The following DRD3 variants were observed in gnomAD, a reference collection of about 807,000 sequenced individuals.
DRD3 encodes dopamine receptor D3.
In DRD3, 19 loss-of-function variants were observed where a neutral mutation model predicts 36.3. The observed-to-expected ratio is 0.52, with a 90% CI of 0.36 to 0.77. DRD3 has a LOEUF of 0.77. Ranked by LOEUF, DRD3 falls within the 30% of genes least tolerant of loss-of-function variation. The pLI, the probability that DRD3 is intolerant of heterozygous loss-of-function variation, is 0.00. For missense variants in DRD3, 465 were observed against 505.3 expected, an observed-to-expected ratio of 0.92 and a Z score of 0.77; for synonymous variants, 195 against 203.7, an observed-to-expected ratio of 0.96 and a Z score of 0.36.
At chr3:114,133,615 T>C (rs373970334) in intron 5 of DRD3, among the ~76,000 whole-genome samples, 1 of 7,610 alleles carries the variant, frequency 1.3e-4, no homozygotes, top group Non-Finnish European at 5.5e-4. Context: ...GCTTCCTTTG[T>C]AAAACAGAAA....
chr3:114,141,135 G>A (rs762382514), intron 4 of DRD3, among the ~76,000 whole-genome samples: 121 of 152,304 alleles, frequency 7.9e-4, no homozygotes, highest in Non-Finnish European at 1.4e-3. Flanking sequence ...AGGTTCAAGC[G>A]ATTCTCCTGC....
chr3:114,170,693 A>T (rs2077831352), intron 2 of DRD3, among the ~76,000 whole-genome samples: 1 of 152,080 alleles, frequency 6.6e-6, no homozygotes, highest in South Asian at 2.1e-4. Flanking sequence ...CAGTCTATGT[A>T]CAAGGTTTTT....
intron 3 of DRD3, among the ~76,000 whole-genome samples, chr3:114,154,734 A>G (rs1239814867): frequency 6.6e-6 from 1 of 151,958 alleles, no homozygotes; most frequent in Non-Finnish European, 1.5e-5. Context: ...CCACTTAAAG[A>G]ACTCCCTGGT....
At chr3:114,129,672 G>A (rs1286803356) in intron 6 of DRD3, among the ~76,000 whole-genome samples, 1 of 152,228 alleles carries the variant, frequency 6.6e-6, no homozygotes, top group Non-Finnish European at 1.5e-5. Flanking sequence ...ACAGGAGAGA[G>A]TTGGGGTTTG....
At chr3:114,191,067 T>G (rs1405641777) in intron 1 of DRD3, among the ~76,000 whole-genome samples, 1 of 152,212 alleles carries the variant, frequency 6.6e-6, no homozygotes, top group African/African-American at 2.4e-5. Flanking sequence ...ATGAACCCCT[T>G]TGTTCATTTG....
At chr3:114,198,686 T>C (rs2078049634) in intron 1 of DRD3, among the ~76,000 whole-genome samples, 1 of 152,118 alleles carries the variant, frequency 6.6e-6, no homozygotes, top group South Asian at 2.1e-4. Context: ...TAGGTATCTA[T>C]AGATAAATAA....
chr3:114,187,980 GC>G (rs1488158716), intron 1 of DRD3, among the ~76,000 whole-genome samples: 1 of 152,022 alleles, frequency 6.6e-6, no homozygotes, highest in Admixed American at 6.6e-5. Context: ...TGCTCCTTGT[GC>G]CCTAGGAAGA....
chr3:114,185,626 T>TA (rs57767912), intron 1 of DRD3, among the ~76,000 whole-genome samples: 6,533 of 150,440 alleles, frequency 0.043, 461 homozygotes, highest in African/African-American at 0.15. Flanking sequence ...GTTGATTAAT[T>TA]AAAAAAAAAA....
chr3:114,139,127 T>A (rs2077500829), intron 5 of DRD3, among the ~76,000 whole-genome samples: 1 of 152,212 alleles, frequency 6.6e-6, no homozygotes, highest in South Asian at 2.1e-4. Context: ...ATGAGTGGTT[T>A]AGACAAAAAG....
At chr3:114,188,919 G>A (rs2077989525) in intron 1 of DRD3, among the ~76,000 whole-genome samples, 2 of 152,082 alleles carry the variant, frequency 1.3e-5, no homozygotes, top group African/African-American at 4.8e-5. Context: ...GTTGTCAAAG[G>A]GAATTACCTG....
intron 2 of DRD3, among the ~76,000 whole-genome samples, chr3:114,170,879 GT>G (rs922150348): frequency 8.6e-5 from 13 of 152,038 alleles, no homozygotes; most frequent in Non-Finnish European, 1.3e-4. Context: ...GTATACTCAG[GT>G]TTTTTTAAAA....
intron 4 of DRD3, among the ~76,000 whole-genome samples, chr3:114,146,566 G>A (rs1378679653): frequency 1.3e-5 from 2 of 151,956 alleles, no homozygotes; most frequent in African/African-American, 4.8e-5. Context: ...GGGCGTGGTG[G>A]TGGGTGCCTG....
chr3:114,141,603 A>T (rs1705951954), intron 4 of DRD3, among the ~76,000 whole-genome samples: 1 of 152,184 alleles, frequency 6.6e-6, no homozygotes, highest in African/African-American at 2.4e-5. Context: ...AAACGAAAAG[A>T]GTGTGCTCAG....
chr3:114,180,725 T>A (rs2107897389), upstream of DRD3, among the ~76,000 whole-genome samples: 1 of 152,332 alleles, frequency 6.6e-6, no homozygotes, highest in South Asian at 2.1e-4. Context: ...TGGGCATAAA[T>A]GTATTAGTTA....
At chr3:114,176,609 T>TA (rs1021371007) in intron 1 of DRD3, among the ~76,000 whole-genome samples, 32 of 150,554 alleles carry the variant, frequency 2.1e-4, no homozygotes, top group Admixed American at 5.3e-4. Flanking sequence ...TGTCTCAAAG[T>TA]AAAAAAAAAC....
At chr3:114,166,234 C>T (rs1373797929) in intron 2 of DRD3, among the ~76,000 whole-genome samples, 1 of 152,140 alleles carries the variant, frequency 6.6e-6, no homozygotes, top group African/African-American at 2.4e-5. Flanking sequence ...GGTCCACCCA[C>T]CTCGGCCTCC....
chr3:114,130,260 A>G (rs1030074029), intron 6 of DRD3, among the ~76,000 whole-genome samples: 4 of 152,040 alleles, frequency 2.6e-5, no homozygotes, highest in Non-Finnish European at 5.9e-5. Flanking sequence ...CCATGTCTCA[A>G]AAAAACAAAA....
At chr3:114,142,041 C>G (rs1577588369) in intron 4 of DRD3, among the ~76,000 whole-genome samples, 1 of 91,448 alleles carries the variant, frequency 1.1e-5, no homozygotes, top group African/African-American at 4.2e-5. Context: ...GAGCGAGACT[C>G]TCTCTCAAAA....
chr3:114,190,040 C>T lies in DRD3; in HGVS notation c.-156+9233G>A, dbSNP rs142207695. On this transcript the variant is annotated intron_variant, in intron 1 of 7. Coordinates refer to the DRD3 transcript ENST00000460779. ...TGTCACAGCAGATGGGGAAAAAAGC[C>T]GGAGTAACCTGTGGAATTGCTGATT... Among the ~76,000 whole-genome samples the T allele has an allele frequency of 1.6e-4, 25 of 152,158 alleles. No individual in the cohort carries two copies. In the East Asian group the frequency reaches 4.1e-3, roughly 25 times the overall value.
Sources: gnomAD v4.1 joint callset for allele counts (sites outside exome capture counted in the v4.1 genomes callset) on GRCh38, gnomAD v4.1.1 for gene constraint, MANE v1.5 for transcripts, NCBI Gene and HGNC (gene_info 2026-07-23, HGNC 2026-07-21) for gene names.